The following GRIK2 variants were observed in gnomAD, a reference collection of about 807,000 sequenced individuals.
The protein encoded by GRIK2 is glutamate ionotropic receptor kainate type subunit 2, also known as glutamate receptor ionotropic, kainate 2.
In GRIK2, 32 loss-of-function variants were observed where a neutral mutation model predicts 100.3. The observed-to-expected ratio is 0.32, with a 90% CI of 0.24 to 0.43. The LOEUF (loss-of-function observed/expected upper bound fraction) is 0.43, where lower values mean the gene tolerates loss of function less well. Among genes scored for constraint, GRIK2 ranks in the 20% least tolerant of loss-of-function variants. GRIK2 has a pLI of 1.00. For missense variants in GRIK2, 843 were observed against 1,114.9 expected, an observed-to-expected ratio of 0.76 and a Z score of 3.47; for synonymous variants, 417 against 389.4, an observed-to-expected ratio of 1.07 and a Z score of -0.83.
intron 2 of GRIK2, among the ~76,000 whole-genome samples, chr6:101,451,434 T>C (rs1232159578): frequency 6.6e-6 from 1 of 151,736 alleles, no homozygotes; most frequent in African/African-American, 2.4e-5. Context: ...TCATAGCTAC[T>C]AGCAGTCATT....
chr6:102,029,760 A>AT (rs1219738035), intron 14 of GRIK2, among the ~76,000 whole-genome samples: 1 of 150,942 alleles, frequency 6.6e-6, no homozygotes. Context: ...ACATTGCCTT[A>AT]TTTTTTTTCA....
intron 14 of GRIK2, among the ~76,000 whole-genome samples, chr6:101,935,834 C>T (rs892686910): frequency 1.3e-5 from 2 of 151,868 alleles, no homozygotes; most frequent in African/African-American, 4.8e-5. Context: ...CTTGAGAACC[C>T]CTCAATATTC....
chr6:101,851,957 CA>C (rs35210713), intron 10 of GRIK2, among the ~76,000 whole-genome samples: 27 of 130,154 alleles, frequency 2.1e-4, no homozygotes, highest in Non-Finnish European at 2.6e-4. Flanking sequence ...TGACTATGGG[CA>C]AAAAAAAAAA....
chr6:101,742,570 T>A (rs1776107480), intron 7 of GRIK2, among the ~76,000 whole-genome samples: 1 of 152,006 alleles, frequency 6.6e-6, no homozygotes, highest in South Asian at 2.1e-4. Context: ...TCAAATACAT[T>A]TAAGAAATGC....
At chr6:101,808,937 G>A (rs115554788) in intron 9 of GRIK2, among the ~76,000 whole-genome samples, 3,881 of 150,926 alleles carry the variant, frequency 0.026, 173 homozygotes, top group African/African-American at 0.089. Context: ...AATACAGAAA[G>A]ACATTTTATG....
At chr6:101,988,132 T>TGTGC (rs1231517176) in intron 14 of GRIK2, among the ~76,000 whole-genome samples, 209 of 29,446 alleles carry the variant, frequency 7.1e-3, no homozygotes, top group Middle Eastern at 0.04. Context: ...TGTGTGTGTG[T>TGTGC]GCGCGCGCGC....
intron 2 of GRIK2, among the ~76,000 whole-genome samples, chr6:101,486,697 G>T (rs1364185037): frequency 8.6e-6 from 1 of 116,692 alleles, no homozygotes; most frequent in Non-Finnish European, 1.8e-5. Context: ...ATAAATCAGT[G>T]GAGCTCTCTG....
chr6:101,589,239 T>C (rs1160194703), intron 2 of GRIK2, among the ~76,000 whole-genome samples: 2 of 152,288 alleles, frequency 1.3e-5, no homozygotes, highest in Admixed American at 6.5e-5. Flanking sequence ...TTGAAGTATG[T>C]ATACATTGTG....
chr6:101,806,103 C>T (rs565111319), intron 9 of GRIK2, among the ~76,000 whole-genome samples: 23 of 152,134 alleles, frequency 1.5e-4, no homozygotes, highest in Admixed American at 1.4e-3. Context: ...TGCAAACAAG[C>T]TCTCTGGGAC....
chr6:101,576,656 TA>T (rs1777803104), intron 2 of GRIK2, among the ~76,000 whole-genome samples: 1 of 152,056 alleles, frequency 6.6e-6, no homozygotes, highest in Non-Finnish European at 1.5e-5. Flanking sequence ...AATGCTAAGT[TA>T]AGCTCTTTTG....
At chr6:101,926,115 T>C (rs957428531) in intron 13 of GRIK2, among the ~76,000 whole-genome samples, 1 of 151,210 alleles carries the variant, frequency 6.6e-6, no homozygotes, top group Admixed American at 6.6e-5. Flanking sequence ...GTTTGTGGCA[T>C]CTCTTTCTAA....
At chr6:101,627,021 G>A (rs1780473051) in intron 4 of GRIK2, among the ~76,000 whole-genome samples, 1 of 151,640 alleles carries the variant, frequency 6.6e-6, no homozygotes, top group Admixed American at 6.6e-5. Flanking sequence ...TAAAAAGTAA[G>A]AATCCATGTA....
chr6:101,906,375 T>C (rs1375786824), intron 12 of GRIK2, among the ~76,000 whole-genome samples: 4 of 125,924 alleles, frequency 3.2e-5, no homozygotes, highest in African/African-American at 1.0e-4. Context: ...TCTGTGTGTG[T>C]GTGTGTGTGT....
intron 14 of GRIK2, among the ~76,000 whole-genome samples, chr6:101,982,178 T>C (rs1343550853): frequency 1.3e-5 from 2 of 151,826 alleles, no homozygotes; most frequent in African/African-American, 4.8e-5. Context: ...AATTGGTGGG[T>C]GGTCTTTTTA....
At chr6:101,789,082 G>C (rs540880563) in intron 7 of GRIK2, among the ~76,000 whole-genome samples, 1 of 152,110 alleles carries the variant, frequency 6.6e-6, no homozygotes, top group South Asian at 2.1e-4. Flanking sequence ...ATTTGTTTGA[G>C]TTCATTGTAG....
intron 14 of GRIK2, among the ~76,000 whole-genome samples, chr6:102,012,412 G>A (rs1398880508): frequency 6.6e-6 from 1 of 151,892 alleles, no homozygotes; most frequent in Non-Finnish European, 1.5e-5. Context: ...TTAGAATTGT[G>A]TTGACTTTAT....
intron 14 of GRIK2, among the ~76,000 whole-genome samples, chr6:102,002,332 A>T (rs1794986885): frequency 6.9e-6 from 1 of 144,914 alleles, no homozygotes; most frequent in Admixed American, 7.1e-5. Flanking sequence ...TATATATTAT[A>T]TATGTATGTA....
chr6:101,464,563 C>A (rs1415048536), intron 2 of GRIK2, among the ~76,000 whole-genome samples: 2 of 114,512 alleles, frequency 1.7e-5, no homozygotes, highest in African/African-American at 3.3e-5. Flanking sequence ...TGTCGCCAGG[C>A]TGGAGTGCAG....
chr6:101,544,008 A>G (rs985264802), intron 2 of GRIK2, among the ~76,000 whole-genome samples: 23 of 152,146 alleles, frequency 1.5e-4, no homozygotes, highest in African/African-American at 3.9e-4. Flanking sequence ...CTGGTTGAGC[A>G]TATGTCAAGA....
Sources: allele counts gnomAD v4.1 joint callset (sites outside exome capture counted in the v4.1 genomes callset), GRCh38; gene constraint gnomAD v4.1.1; transcripts MANE v1.5; gene names NCBI Gene and HGNC (gene_info 2026-07-23, HGNC 2026-07-21).